Variants in CSMD1 observed in about 807,000 individuals in gnomAD.
CSMD1 encodes CUB and sushi domain-containing protein 1.
In CSMD1, 213 loss-of-function variants were observed where a neutral mutation model predicts 417.5. The observed-to-expected ratio is 0.51, with a 90% CI of 0.46 to 0.57. The LOEUF (loss-of-function observed/expected upper bound fraction) is 0.57. Ranked by LOEUF, CSMD1 falls within the 20% of genes least tolerant of loss-of-function variation. The probability of loss-of-function intolerance (pLI) is 0.00; values close to 1 mark genes in which losing one functional copy is unlikely to be tolerated. For synonymous variants in CSMD1, 2,862 were observed against 1,736.8 expected (o/e 1.65, Z -16.11); for missense variants, 6,923 against 4,529.7 (o/e 1.53, Z -15.17).
At chr8:4,752,658 A>G (rs1811409070) in intron 1 of CSMD1, among the ~76,000 whole-genome samples, 1 of 152,210 alleles carries the variant, frequency 6.6e-6, no homozygotes, top group African/African-American at 2.4e-5. Flanking sequence ...TTTTCTCTCC[A>G]GCAGATAAAA....
intron 49 of CSMD1, among the ~76,000 whole-genome samples, chr8:3,082,864 T>C (rs1420348074): frequency 6.6e-6 from 1 of 152,230 alleles, no homozygotes; most frequent in Non-Finnish European, 1.5e-5. Flanking sequence ...CCTGTAACTC[T>C]ATCCCTACAG....
chr8:3,465,051 T>C (rs1290824056), intron 12 of CSMD1, among the ~76,000 whole-genome samples: 2 of 152,176 alleles, frequency 1.3e-5, no homozygotes, highest in Non-Finnish European at 2.9e-5. Flanking sequence ...AGGGAATATG[T>C]ATAACACATA....
chr8:3,177,454 T>G (rs1014828322), intron 37 of CSMD1, among the ~76,000 whole-genome samples: 4 of 152,186 alleles, frequency 2.6e-5, no homozygotes, highest in South Asian at 4.1e-4. Context: ...AAACCTGTCA[T>G]TTCAGGATCT....
At chr8:3,808,249 T>G (rs1367939478) in intron 5 of CSMD1, among the ~76,000 whole-genome samples, 3 of 152,220 alleles carry the variant, frequency 2.0e-5, no homozygotes, top group African/African-American at 7.2e-5. Context: ...ATTCACTAAG[T>G]AGTCACATTT....
chr8:3,566,403 C>T (rs1563160040), intron 10 of CSMD1, among the ~76,000 whole-genome samples: 2 of 152,042 alleles, frequency 1.3e-5, no homozygotes, highest in African/African-American at 4.8e-5. Flanking sequence ...GGACCCAGGA[C>T]ATACAGCCAT....
chr8:3,270,216 AT>A (rs1032797774), intron 26 of CSMD1, among the ~76,000 whole-genome samples: 9 of 151,868 alleles, frequency 5.9e-5, no homozygotes, highest in African/African-American at 1.7e-4. Flanking sequence ...TGCCTTGCTA[AT>A]TTTTTTATCT....
intron 3 of CSMD1, among the ~76,000 whole-genome samples, chr8:4,288,836 A>G (rs76771821): frequency 0.018 from 2,740 of 152,312 alleles, 46 homozygotes; most frequent in Non-Finnish European, 0.028. Context: ...TCAGTAAAGC[A>G]CTAATATAGG....
chr8:4,346,928 A>C (rs1420813400), intron 3 of CSMD1, among the ~76,000 whole-genome samples: 1 of 152,100 alleles, frequency 6.6e-6, no homozygotes, highest in Non-Finnish European at 1.5e-5. Flanking sequence ...CTCAAATACT[A>C]ATTTGAAAGT....
At chr8:3,609,239 G>A (rs1801770597) in intron 8 of CSMD1, among the ~76,000 whole-genome samples, 1 of 152,146 alleles carries the variant, frequency 6.6e-6, no homozygotes, top group South Asian at 2.1e-4. Context: ...AGCACAGAAA[G>A]ACAGATGAAC....
intron 5 of CSMD1, among the ~76,000 whole-genome samples, chr8:3,950,363 G>C (rs866180737): frequency 6.6e-6 from 1 of 152,198 alleles, no homozygotes; most frequent in African/African-American, 2.4e-5. Flanking sequence ...TAAAGTTTAA[G>C]AACAGGGAAA....
Position 3,223,830 on chromosome 8 carries a change from A to G in CSMD1, c.4383T>C (p.Val1461=). ...CGGNLTGPAG[V]ILSPNYPQPY... ...GCTGTGGGTAGTTGGGTGACAAAAT[A>G]ACACCTGCTGGGCCCGTCAGATTCC... The change falls in exon 28 of 70, where the codon GTT becomes GTC. Residue 1461 remains valine (V), a synonymous_variant. Transcript: ENST00000635120. 22 of 1,613,874 alleles carry G rather than the reference A, an allele frequency of 1.4e-5. 1 individual carries two copies. The highest frequency in any genetic ancestry group is 1.8e-5 in the Non-Finnish European group (21 of 1,179,836).
chr8:3,331,534 G>A (rs1563280251), intron 23 of CSMD1, among the ~76,000 whole-genome samples: 2 of 152,252 alleles, frequency 1.3e-5, no homozygotes, highest in African/African-American at 4.8e-5. Flanking sequence ...TTAACTTATG[G>A]AACCCTCGGT....
chr8:3,345,060 G>C (rs1217493067), intron 22 of CSMD1, among the ~76,000 whole-genome samples: 2 of 152,200 alleles, frequency 1.3e-5, no homozygotes, highest in Non-Finnish European at 1.5e-5. Context: ...GGAAGGCCTT[G>C]GGCTACCCCG....
At chr8:3,883,394 C>G (rs148810677) in intron 5 of CSMD1, among the ~76,000 whole-genome samples, 27 of 152,044 alleles carry the variant, frequency 1.8e-4, no homozygotes, top group African/African-American at 5.3e-4. Context: ...TAGTTTTAAA[C>G]TGGGTGTATG....
intron 3 of CSMD1, among the ~76,000 whole-genome samples, chr8:4,407,527 C>T (rs555918378): frequency 6.6e-6 from 1 of 152,048 alleles, no homozygotes; most frequent in Non-Finnish European, 1.5e-5. Flanking sequence ...TGTTTAAATT[C>T]AGAGTACAGA....
rs370916256 is a variant in CSMD1 at position 3,024,299 on chromosome 8, G to T, written c.7855+5020C>A. On this transcript the variant is annotated intron_variant, in intron 51 of 69. Coordinates refer to ENST00000635120, the MANE Select transcript of CSMD1 (RefSeq NM_033225.6). ...GTTTACATTTTGAGGTTTTTTTTGGGGGGGGAGGGCAGTGGGGGAGGTTGG... is the reference window on the plus strand; with the variant it reads ...GTTTACATTTTGAGGTTTTTTTTGGTGGGGGAGGGCAGTGGGGGAGGTTGG... 1.8e-4 allele frequency among the ~76,000 whole-genome samples: 27 copies of T among 149,364 alleles called. No individual in the cohort carries two copies. In the South Asian group the frequency reaches 3.9e-3, roughly 22 times the overall value.
chr8:3,805,382 C>T (rs1800675161), intron 5 of CSMD1, among the ~76,000 whole-genome samples: 1 of 152,204 alleles, frequency 6.6e-6, no homozygotes, highest in South Asian at 2.1e-4. Context: ...CACAAGTTAC[C>T]CCTAAAACCC....
chr8:2,997,104 G>A (rs567912043), intron 54 of CSMD1, among the ~76,000 whole-genome samples: 1 of 152,202 alleles, frequency 6.6e-6, no homozygotes, highest in Non-Finnish European at 1.5e-5. Flanking sequence ...CTGCACTGTG[G>A]TTAGTTGAGT....
At chr8:3,114,561 C>T (rs2129017492) in intron 42 of CSMD1, among the ~76,000 whole-genome samples, 1 of 151,614 alleles carries the variant, frequency 6.6e-6, no homozygotes, top group South Asian at 2.1e-4. Context: ...ATTTTTCTTC[C>T]TTCTGTTACT....
Sources: allele counts gnomAD v4.1 joint callset (sites outside exome capture counted in the v4.1 genomes callset), GRCh38; gene constraint gnomAD v4.1.1; transcripts MANE v1.5; gene names NCBI Gene and HGNC (gene_info 2026-07-23, HGNC 2026-07-21).